Variants in PITPNC1 observed in about 807,000 individuals in gnomAD.
PITPNC1 encodes the protein phosphatidylinositol transfer protein cytoplasmic 1, also known as cytoplasmic phosphatidylinositol transfer protein 1.
PITPNC1 carries 18 observed loss-of-function variants against 44.7 expected under a neutral mutation model. That is an observed-to-expected ratio of 0.40 (90% CI 0.28 to 0.60). PITPNC1 has a LOEUF of 0.60. Among genes scored for constraint, PITPNC1 ranks in the 20% least tolerant of loss-of-function variants. The probability of loss-of-function intolerance (pLI) is 0.39; values close to 1 mark genes in which losing one functional copy is unlikely to be tolerated. For synonymous variants in PITPNC1, 141 were observed against 149.6 expected (o/e 0.94, Z 0.42); for missense variants, 290 against 418.4 (o/e 0.69, Z 2.68).
At position 67,490,112 on chromosome 17, in the gene PITPNC1, CTGTGTGTGTGTGTGTGTGTG is replaced by C. The variant is rs71354073; in HGVS notation, c.49-42660_49-42641del. ...TTTAAAGATTTGGAAACAGGCTTTT[CTGTGTGTGTGTGTGTGTGTG>C]TGTGTGTGTGTGTGTGTGTGTGTGT... On this transcript the variant is annotated intron_variant, in intron 1 of 8. Coordinates refer to ENST00000581322, the MANE Select transcript of PITPNC1 (RefSeq NM_012417.4). Among the ~76,000 whole-genome samples the C allele has an allele frequency of 4.1e-3, 598 of 144,966 alleles. 8 individuals are homozygous for C. The highest frequency in any genetic ancestry group is 0.014 in the African/African-American group (564 of 39,192).
At chr17:67,661,440 C>T (rs939464552) in intron 6 of PITPNC1, among the ~76,000 whole-genome samples, 1 of 152,058 alleles carries the variant, frequency 6.6e-6, no homozygotes, top group African/African-American at 2.4e-5. Flanking sequence ...ATATTTGTCC[C>T]ACTTGAGTCC....
rs552857935 is a variant in PITPNC1, at chr17:67,399,278, G to T, written c.48+21076G>T. 2.2e-3 allele frequency among the ~76,000 whole-genome samples: 337 copies of T among 152,282 alleles called. 1 individual carries two copies. The highest frequency in any genetic ancestry group is 7.8e-3 in the African/African-American group (324 of 41,564). ...TCTGCTCACCTCGGCCTCCCAAAGT[G>T]CTGGGATTACAGGCGTGAGCCACTG... On this transcript the variant is annotated intron_variant, in intron 1 of 8. Transcript: ENST00000581322.
intron 1 of PITPNC1, among the ~76,000 whole-genome samples, chr17:67,472,683 T>C (rs1361908880): frequency 6.6e-6 from 1 of 151,166 alleles, no homozygotes; most frequent in East Asian, 1.9e-4. Context: ...TGCATAAATA[T>C]CATAATGTTT....
intron 2 of PITPNC1, among the ~76,000 whole-genome samples, chr17:67,540,676 C>A (rs900362229): frequency 1.3e-5 from 2 of 151,962 alleles, no homozygotes; most frequent in Admixed American, 6.6e-5. Context: ...AGAAATGAAA[C>A]CTGGTTACTG....
intron 7 of PITPNC1, among the ~76,000 whole-genome samples, chr17:67,670,031 T>A (rs767788094): frequency 4.6e-5 from 7 of 151,932 alleles, no homozygotes; most frequent in Non-Finnish European, 7.4e-5. Context: ...CAAGATCGTA[T>A]TATTGCACTC....
chr17:67,568,711 G>A (rs2041013728), intron 4 of PITPNC1, among the ~76,000 whole-genome samples: 1 of 151,828 alleles, frequency 6.6e-6, no homozygotes, highest in Non-Finnish European at 1.5e-5. Context: ...TTTGGGGGTG[G>A]GCTCCCAGAA....
intron 5 of PITPNC1, among the ~76,000 whole-genome samples, chr17:67,605,142 G>A (rs2041592843): frequency 6.6e-6 from 1 of 151,968 alleles, no homozygotes. Context: ...ATAAACCCAG[G>A]GGCTCCTTGG....
chr17:67,391,058 AGC>A (rs2038130802), intron 1 of PITPNC1, among the ~76,000 whole-genome samples: 1 of 108,618 alleles, frequency 9.2e-6, no homozygotes, highest in Non-Finnish European at 1.8e-5. Flanking sequence ...TGACTTTTTT[AGC>A]GTGTGTGTGT....
At chr17:67,667,222 C>T (rs141223697) in intron 6 of PITPNC1, among the ~76,000 whole-genome samples, 74 of 152,162 alleles carry the variant, frequency 4.9e-4, no homozygotes, top group African/African-American at 1.6e-3. Context: ...AGCAGCTGCA[C>T]GTCTTCTTTA....
chr17:67,652,345 C>G (rs2042218543), intron 6 of PITPNC1, among the ~76,000 whole-genome samples: 1 of 152,144 alleles, frequency 6.6e-6, no homozygotes, highest in African/African-American at 2.4e-5. Context: ...TTTACACGGG[C>G]TGCTCAAACA....
chr17:67,505,556 T>G (rs1007328261), intron 1 of PITPNC1, among the ~76,000 whole-genome samples: 2 of 152,264 alleles, frequency 1.3e-5, no homozygotes, highest in African/African-American at 4.8e-5. Flanking sequence ...TATGGTTTAC[T>G]GTTTACATGA....
chr17:67,658,294 C>G (rs2042296707), intron 6 of PITPNC1, among the ~76,000 whole-genome samples: 1 of 152,180 alleles, frequency 6.6e-6, no homozygotes, highest in Admixed American at 6.6e-5. Flanking sequence ...CTGATTGATC[C>G]CCACCCTTCA....
At chr17:67,551,098 C>T (rs1471139026) in intron 2 of PITPNC1, among the ~76,000 whole-genome samples, 1 of 152,070 alleles carries the variant, frequency 6.6e-6, no homozygotes, top group Non-Finnish European at 1.5e-5. Flanking sequence ...AAAGTGAAAT[C>T]ATGCAGATGT....
intron 1 of PITPNC1, among the ~76,000 whole-genome samples, chr17:67,418,345 A>C (rs1382906658): frequency 1.3e-5 from 2 of 152,212 alleles, no homozygotes; most frequent in East Asian, 3.8e-4. Context: ...GAATATTCTA[A>C]CTTTGCTTAG....
At chr17:67,479,034 A>AAT (rs1450617168) in intron 1 of PITPNC1, among the ~76,000 whole-genome samples, 5 of 152,104 alleles carry the variant, frequency 3.3e-5, no homozygotes, top group Middle Eastern at 3.4e-3. Context: ...ATTACTGAGC[A>AAT]ATTCACCAGA....
chr17:67,649,487 A>G (rs77870849), intron 6 of PITPNC1, among the ~76,000 whole-genome samples: 15,188 of 152,216 alleles, frequency 0.1, 772 homozygotes, highest in Middle Eastern at 0.18. Flanking sequence ...AACCAGTTCA[A>G]TTCTCCAGCA....
intron 6 of PITPNC1, among the ~76,000 whole-genome samples, chr17:67,647,464 G>GTTTTTTTTGTTTTTTTTTTTTTTTTT (rs2042162118): frequency 3.9e-4 from 28 of 72,362 alleles, no homozygotes; most frequent in African/African-American, 1.2e-3. Context: ...CTAATTTTGG[G>GTTTTTTTTGTTTTTTTTTTTTTTTTT]TTTTTTTTTT....
chr17:67,667,514 G>A (rs996181772), intron 6 of PITPNC1, among the ~76,000 whole-genome samples: 222 of 90,370 alleles, frequency 2.5e-3, no homozygotes, highest in African/African-American at 5.9e-3. Context: ...AAAAAGTACT[G>A]AAAATTAGCT....
intron 1 of PITPNC1, among the ~76,000 whole-genome samples, chr17:67,423,868 A>G (rs1327296337): frequency 3.9e-5 from 6 of 152,110 alleles, no homozygotes; most frequent in Non-Finnish European, 7.3e-5. Context: ...CTCTGTCCTC[A>G]TTTGGATTCA....
Sources: gnomAD v4.1 joint callset for allele counts (sites outside exome capture counted in the v4.1 genomes callset) on GRCh38, gnomAD v4.1.1 for gene constraint, MANE v1.5 for transcripts, NCBI Gene and HGNC (gene_info 2026-07-23, HGNC 2026-07-21) for gene names.